C12orf50: variants seen among roughly 807,000 people sequenced by gnomAD.
The protein encoded by C12orf50 is zinc finger CCCH-type containing 11D, also known as uncharacterized protein C12orf50.
Under a neutral mutation model 61.6 loss-of-function variants are expected in C12orf50, and 35 were observed. The observed-to-expected ratio is 0.57, with a 90% confidence interval of 0.43 to 0.75. The LOEUF (loss-of-function observed/expected upper bound fraction) is 0.75. C12orf50 is among the 30% of genes least tolerant of loss of function. C12orf50 has a pLI of 0.00. For missense variants in C12orf50, 475 were observed against 488.5 expected (o/e 0.97, Z 0.26); for synonymous variants, 178 against 161.5 (o/e 1.10, Z -0.77).
In C12orf50 at chr12:88,008,794, T is replaced by A. The variant is rs1270680539; in HGVS notation, c.134-10604A>T. ...TTCCCCATACCCACAATAGGTATCT[T>A]CATCCTAACCTATTGTAATCACTTT... On this transcript the variant is annotated intron_variant, in intron 3 of 12. Coordinates refer to ENST00000298699, the MANE Select transcript of C12orf50 (RefSeq NM_152589.3). Among the ~76,000 whole-genome samples the A allele has an allele frequency of 2.0e-5, 3 of 152,160 alleles. No homozygotes were observed. In the East Asian group the frequency reaches 5.8e-4, roughly 29 times the overall value.
At chr12:87,994,811 G>C in intron 6 of C12orf50, 68 bp from the exon 7 acceptor site, 1 of 972,014 alleles carries the variant, frequency 1.0e-6, no homozygotes, top group Non-Finnish European at 1.6e-6. Context: ...ATTTATGATA[G>C]AATGCATGAT....
intron 3 of C12orf50, among the ~76,000 whole-genome samples, chr12:88,012,271 T>C (rs1320098154): frequency 6.6e-6 from 1 of 152,192 alleles, no homozygotes; most frequent in African/African-American, 2.4e-5. Context: ...TCAAAACAAA[T>C]TCAGTTTTTT....
rs1018379585 is a variant in C12orf50 at position 88,027,045 on chromosome 12, C to G, written c.-83G>C. The G allele has an allele frequency of 1.7e-5, 27 of 1,613,162 alleles. No homozygotes were observed. Among genetic ancestry groups the G allele is most frequent in the Admixed American group, 3.3e-5 (2 of 59,770 alleles). The stretch of plus-strand genomic sequence containing the variant: ...AGTGTCACTGCCAAGGGCCTCTTCA[C>G]AGTGTCGGAATCGGCACTGGGAACC... On this transcript the variant is annotated 5_prime_UTR_variant, in exon 2 of 13. Transcript: ENST00000298699.
chr12:88,003,749 G>C (rs2031743982), intron 3 of C12orf50, among the ~76,000 whole-genome samples: 1 of 151,856 alleles, frequency 6.6e-6, no homozygotes. Flanking sequence ...TTTATCACTG[G>C]TATTTATCTT....
At chr12:88,014,590 C>T (rs2032242352) in intron 3 of C12orf50, among the ~76,000 whole-genome samples, 1 of 152,178 alleles carries the variant, frequency 6.6e-6, no homozygotes, top group African/African-American at 2.4e-5. Context: ...TGAGCCACCG[C>T]GCCTGGCTGA....
chr12:88,018,313 C>G (rs1022919154), intron 3 of C12orf50, among the ~76,000 whole-genome samples: 1 of 152,232 alleles, frequency 6.6e-6, no homozygotes, highest in African/African-American at 2.4e-5. Flanking sequence ...CAAGCCTTGA[C>G]AGCTTCCATG....
At chr12:87,991,092 T>G (rs1254600546) in intron 7 of C12orf50, among the ~76,000 whole-genome samples, 1 of 152,152 alleles carries the variant, frequency 6.6e-6, no homozygotes, top group Non-Finnish European at 1.5e-5. Flanking sequence ...GAATAAGGAC[T>G]ATACCTTCAA....
At chr12:88,026,653 AT>A in intron 2 of C12orf50, 45 bp from the exon 3 acceptor site, 1 of 1,600,896 alleles carries the variant, frequency 6.2e-7, no homozygotes, top group East Asian at 2.2e-5. Flanking sequence ...TAGATGCCAT[AT>A]TTACAACAAA....
At chr12:88,023,061 C>G (rs547176264) in intron 3 of C12orf50, among the ~76,000 whole-genome samples, 22 of 151,998 alleles carry the variant, frequency 1.4e-4, no homozygotes, top group African/African-American at 5.3e-4. Flanking sequence ...AATCTTAAAG[C>G]AAAAAGTTCA....
At chr12:87,986,159 A>G (rs2030811174) in intron 10 of C12orf50, 106 bp from the exon 11 acceptor site, 1 of 1,343,004 alleles carries the variant, frequency 7.4e-7, no homozygotes, top group African/African-American at 1.5e-5. Flanking sequence ...AAGCCAATAG[A>G]AGCCAAAATA....
At chr12:88,028,924 TG>T (rs2032801501) in intron 1 of C12orf50, 1 of 286,740 alleles carries the variant, frequency 3.5e-6, no homozygotes, top group Admixed American at 5.1e-5. Context: ...CATGATAAGC[TG>T]TTACTCCAGA....
intron 9 of C12orf50, among the ~76,000 whole-genome samples, chr12:87,987,421 A>C (rs2030879505): frequency 6.6e-6 from 1 of 152,198 alleles, no homozygotes; most frequent in African/African-American, 2.4e-5. Flanking sequence ...AACAGAAGGA[A>C]GAAGGGAAGG....
At chr12:87,980,966 G>C (rs1443298291) in intron 12 of C12orf50, among the ~76,000 whole-genome samples, 1 of 152,136 alleles carries the variant, frequency 6.6e-6, no homozygotes, top group Non-Finnish European at 1.5e-5. Flanking sequence ...AATATGTGCA[G>C]GAAGAAACAT....
At chr12:87,989,484 TTC>T in intron 7 of C12orf50, 113 bp from the exon 8 acceptor site, 1 of 655,358 alleles carries the variant, frequency 1.5e-6, no homozygotes. Context: ...CTTTGGACAC[TTC>T]TCAGTGATAC....
intron 7 of C12orf50, 29 bp downstream of exon 7, chr12:87,994,604 C>A (rs1260284727): frequency 7.1e-7 from 1 of 1,401,658 alleles, no homozygotes; most frequent in Admixed American, 1.7e-5. Context: ...GTGATATATT[C>A]AGGGTCAATC....
chr12:88,018,709 G>A (rs1247093957), intron 3 of C12orf50, among the ~76,000 whole-genome samples: 1 of 152,192 alleles, frequency 6.6e-6, no homozygotes, highest in Non-Finnish European at 1.5e-5. Context: ...AAGACCATGG[G>A]ACCCCACCTT....
chr12:88,024,870 A>T (rs1336153579), intron 3 of C12orf50, among the ~76,000 whole-genome samples: 1 of 152,188 alleles, frequency 6.6e-6, no homozygotes. Flanking sequence ...AAATGTGTCA[A>T]ATCCTGCTCG....
chr12:87,983,195 T>C lies in C12orf50; in HGVS notation c.1127A>G (p.Asp376Gly). The stretch of plus-strand genomic sequence containing the variant: ...ATTATATGATGTTGACGTATATTTG[T>C]CTGAGGGAAAAAAATCCAGAATTAA... ...NREPKPNLSP[D>G]KYTSTSYNDS... is the part of the protein sequence containing the mutation. Residue 376 changes from aspartate (D) to glycine (G), a missense_variant and splice_region_variant, in exon 12 of 13, where the codon GAC becomes GGC. Transcript: ENST00000298699. The C allele has an allele frequency of 6.3e-7, 1 of 1,577,014 alleles. No individual in the cohort carries two copies. The highest frequency in any genetic ancestry group is 8.6e-7 in the Non-Finnish European group (1 of 1,159,258).
At chr12:87,993,569 A>G (rs1331900439) in intron 7 of C12orf50, among the ~76,000 whole-genome samples, 1 of 152,102 alleles carries the variant, frequency 6.6e-6, no homozygotes, top group Non-Finnish European at 1.5e-5. Context: ...TTACCTTAGC[A>G]CCAAAAAAAA....
Sources: allele counts gnomAD v4.1 joint callset (sites outside exome capture counted in the v4.1 genomes callset), GRCh38; gene constraint gnomAD v4.1.1; transcripts MANE v1.5; gene names NCBI Gene and HGNC (gene_info 2026-07-23, HGNC 2026-07-21).